CEBPZ: variants seen among roughly 807,000 people sequenced by gnomAD.
CEBPZ encodes CCAAT enhancer binding protein zeta.
CEBPZ carries 78 observed loss-of-function variants against 104.5 expected under a neutral mutation model. That is an observed-to-expected ratio of 0.75 (90% CI 0.62 to 0.90). CEBPZ has a LOEUF of 0.90. Ranked by LOEUF, CEBPZ falls within the 40% of genes least tolerant of loss-of-function variation. The probability of loss-of-function intolerance (pLI) is 0.00; values close to 1 mark genes in which losing one functional copy is unlikely to be tolerated. For synonymous variants in CEBPZ, 470 were observed against 427.0 expected, an observed-to-expected ratio of 1.10 and a Z score of -1.24; for missense variants, 1,439 against 1,233.5, an observed-to-expected ratio of 1.17 and a Z score of -2.50.
At chr2:37,210,901 T>A in intron 13 of CEBPZ, 98 bp downstream of exon 13, 6 of 525,316 alleles carry the variant, frequency 1.1e-5, no homozygotes, top group Non-Finnish European at 1.2e-5. Context: ...CACCCCTGAA[T>A]TTTATTAATC....
rs928834657 is a variant in CEBPZ, at chr2:37,225,518, G to C, written c.1649+2026C>G. Among the ~76,000 whole-genome samples the C allele has an allele frequency of 7.0e-5, 10 of 143,234 alleles. No individual in the cohort carries two copies. The East Asian group carries it at 1.4e-3, about 20-fold the overall frequency. The allele number at this position is 143,234 out of a possible 152,430, so 94.0% of individuals were successfully genotyped here. A position where few individuals can be genotyped will look rare whatever the true frequency, so the allele number is the denominator to read the frequency against. On this transcript the variant is annotated intron_variant, in intron 2 of 15. Coordinates refer to ENST00000234170, the MANE Select transcript of CEBPZ (RefSeq NM_005760.3). ...GTTGAATGGATTAAGGGCGGTGCAA[G>C]ATGTGCTTTGTTAAACAGATGCTTG...
chr2:37,212,640 T>C (rs1572499450), intron 10 of CEBPZ: 4 of 512,200 alleles, frequency 7.8e-6, no homozygotes, highest in Non-Finnish European at 1.4e-5. Context: ...AGTTCTTTTA[T>C]GGAAAGAGGA....
At chr2:37,226,614 A>T (rs1664893220) in intron 2 of CEBPZ, among the ~76,000 whole-genome samples, 1 of 152,224 alleles carries the variant, frequency 6.6e-6, no homozygotes, top group Non-Finnish European at 1.5e-5. Flanking sequence ...ATAGGTTTTT[A>T]GTGGGGATCA....
At chr2:37,229,110 C>T (rs1664969166) in intron 1 of CEBPZ, 74 bp from the exon 2 acceptor site, 6 of 1,241,674 alleles carry the variant, frequency 4.8e-6, no homozygotes, top group African/African-American at 3.1e-5. Context: ...GGAAACACAA[C>T]ATAATTTTAA....
intron 13 of CEBPZ, among the ~76,000 whole-genome samples, chr2:37,205,885 G>A (rs978552049): frequency 2.6e-5 from 4 of 152,178 alleles, no homozygotes; most frequent in African/African-American, 9.6e-5. Flanking sequence ...TTAGCAGAAA[G>A]AAGAGTTCGT....
chr2:37,207,386 T>C (rs765579341), intron 13 of CEBPZ, among the ~76,000 whole-genome samples: 37 of 152,316 alleles, frequency 2.4e-4, no homozygotes, highest in Admixed American at 7.2e-4. Flanking sequence ...TTCTCAAGGA[T>C]AGACCATATG....
chr2:37,204,952 C>T (rs1677480308), intron 13 of CEBPZ, among the ~76,000 whole-genome samples: 1 of 152,150 alleles, frequency 6.6e-6, no homozygotes, highest in African/African-American at 2.4e-5. Flanking sequence ...TAATAAAAGG[C>T]TCAGTAGAAC....
chr2:37,222,367 G>GA lies in CEBPZ; in HGVS notation c.2065+12dup, dbSNP rs765355591. 1.3e-5 allele frequency: 20 copies of GA among 1,562,298 alleles called. No individual in the cohort carries two copies. The highest frequency in any genetic ancestry group is 4.2e-5 in the Admixed American group (2 of 47,068). ...AACAAACTCCCTAGAGAATAAAGAT[G>GA]AAAAAAACTCACCTTTCAAATTATC... On this transcript the variant is annotated intron_variant, in intron 4 of 15. Coordinates refer to ENST00000234170, the MANE Select transcript of CEBPZ (RefSeq NM_005760.3).
At chr2:37,217,195 G>T (rs1664625719) in intron 5 of CEBPZ, among the ~76,000 whole-genome samples, 158 bp from the exon 6 acceptor site, 1 of 152,080 alleles carries the variant, frequency 6.6e-6, no homozygotes, top group African/African-American at 2.4e-5. Context: ...CCCAGAAGTT[G>T]AGACTGGCCT....
chr2:37,211,955 C>T lies in CEBPZ; in HGVS notation c.2688G>A (p.Leu896=). Residue 896 remains leucine (L), a synonymous_variant, in exon 12 of 16, where the codon CTG becomes CTA. Transcript: ENST00000234170. ...SEGSDDELGN[L]DDDEVSLGSM... ...TTCCTAAAGAAACTTCATCGTCATC[C>T]AGGTTACCAAGTTCATCATCACTAC... 1 of 1,613,714 alleles carries T rather than the reference C, an allele frequency of 6.2e-7. No individual in the cohort carries two copies. The highest frequency in any genetic ancestry group is 8.5e-7 in the Non-Finnish European group (1 of 1,179,828).
rs1664677403 is a variant in CEBPZ at position 37,218,038 on chromosome 2, C to CG, written c.2155-1002dup. Reference sequence around the variant, plus strand: ...ATCCCAGCATTTTGGGAGGCCGAGGCGGGCGGATCACGAGGTCAGGAGATC... The same window carrying CG: ...ATCCCAGCATTTTGGGAGGCCGAGGCGGGGCGGATCACGAGGTCAGGAGATC... On this transcript the variant is annotated intron_variant, in intron 5 of 15. Coordinates refer to ENST00000234170, the MANE Select transcript of CEBPZ (RefSeq NM_005760.3). Among the ~76,000 whole-genome samples the CG allele has an allele frequency of 4.1e-5, 6 of 147,780 alleles. No individual in the cohort carries two copies. In the South Asian group the frequency reaches 1.3e-3, roughly 32 times the overall value.
chr2:37,205,849 A>G (rs186410441), intron 13 of CEBPZ, among the ~76,000 whole-genome samples: 8 of 152,340 alleles, frequency 5.3e-5, no homozygotes, highest in African/African-American at 1.4e-4. Flanking sequence ...TTGTAAGATA[A>G]TACTTTTAAA....
chr2:37,216,300 C>T lies in CEBPZ; in HGVS notation c.2311+16G>A, dbSNP rs1677865426. On this transcript the variant is annotated intron_variant, in intron 7 of 15. Transcript: ENST00000234170. ...TTAAAAATGAAAGCCAAATAATTCA[C>T]TAAATAGAAGCATACCTTTGCCTTT... The T allele has an allele frequency of 6.2e-7, 1 of 1,609,530 alleles. No individual in the cohort carries two copies. The highest frequency in any genetic ancestry group is 1.1e-5 in the South Asian group (1 of 90,424).
chr2:37,216,846 A>G, intron 6 of CEBPZ, 138 bp downstream of exon 6: 1 of 711,338 alleles, frequency 1.4e-6, no homozygotes, highest in East Asian at 2.8e-5. Context: ...TGTATGAAAC[A>G]AGTCACTGCT....
At chr2:37,214,851 A>G (rs372555878) in intron 9 of CEBPZ, 35 bp downstream of exon 9, 49 of 1,335,308 alleles carry the variant, frequency 3.7e-5, no homozygotes, top group Non-Finnish European at 5.0e-5. Context: ...AAATTTTAGC[A>G]GTTTCCCCAA....
intron 8 of CEBPZ, 57 bp downstream of exon 8, chr2:37,216,083 A>T: frequency 8.2e-7 from 1 of 1,213,472 alleles, no homozygotes; most frequent in Non-Finnish European, 1.2e-6. Flanking sequence ...AATACAATTT[A>T]TGCATCTTTG....
intron 13 of CEBPZ, chr2:37,210,050 A>G (rs1677669680): frequency 6.6e-6 from 1 of 152,226 alleles, no homozygotes. Flanking sequence ...ATTATCAGGG[A>G]AATGCAAATC....
In CEBPZ at chr2:37,220,403, A is replaced by C; in HGVS notation, c.2136T>G (p.Ser712Arg). 2 of 1,583,404 alleles carry C rather than the reference A, an allele frequency of 1.3e-6. No homozygotes were observed. The highest frequency in any genetic ancestry group is 1.7e-6 in the Non-Finnish European group (2 of 1,158,066). ...NPLFCGAENTSLWELKKLSVH... is the reference protein window; with the variant it reads ...NPLFCGAENTRLWELKKLSVH... Reference sequence around the variant, plus strand: ...ATTTTACCTTTTTGAGTTCCCAAAGACTTGTATTTTCAGCTCCACAGAACA... The same window carrying C: ...ATTTTACCTTTTTGAGTTCCCAAAGCCTTGTATTTTCAGCTCCACAGAACA... Residue 712 changes from serine (S) to arginine (R), a missense_variant, in exon 5 of 16, where the codon AGT becomes AGG. Coordinates refer to ENST00000234170, the MANE Select transcript of CEBPZ (RefSeq NM_005760.3).
chr2:37,226,974 A>G (rs1418523685), intron 2 of CEBPZ, among the ~76,000 whole-genome samples: 1 of 152,158 alleles, frequency 6.6e-6, no homozygotes, highest in Non-Finnish European at 1.5e-5. Flanking sequence ...TACTTTGTTT[A>G]CCACCGCTCC....
Sources: gnomAD v4.1 joint callset for allele counts (sites outside exome capture counted in the v4.1 genomes callset) on GRCh38, gnomAD v4.1.1 for gene constraint, MANE v1.5 for transcripts, NCBI Gene and HGNC (gene_info 2026-07-23, HGNC 2026-07-21) for gene names.